Variants in ELF2 observed in about 807,000 individuals in gnomAD.
The protein encoded by ELF2 is ETS-related transcription factor Elf-2.
A neutral mutation model predicts 54.8 loss-of-function variants in ELF2; 11 were observed. The observed-to-expected ratio is 0.20, with a 90% CI of 0.13 to 0.33. The LOEUF (loss-of-function observed/expected upper bound fraction) is 0.33. Among genes scored for constraint, ELF2 ranks in the 10% least tolerant of loss-of-function variants. The pLI is 1.00. For synonymous variants in ELF2, 203 were observed against 245.1 expected, an observed-to-expected ratio of 0.83 and a Z score of 1.61; for missense variants, 513 against 703.0, an observed-to-expected ratio of 0.73 and a Z score of 3.06.
At chr4:139,150,223 C>G (rs1230813193) in intron 1 of ELF2, among the ~76,000 whole-genome samples, 1 of 151,852 alleles carries the variant, frequency 6.6e-6, no homozygotes, top group Non-Finnish European at 1.5e-5. Context: ...AAAAATTAGC[C>G]CAGCATGGTG....
In ELF2 at chr4:139,157,190, T is replaced by C. The variant is rs867970647; in HGVS notation, c.-251-17693A>G. Among the ~76,000 whole-genome samples, 13 of 152,286 alleles carry C rather than the reference T, an allele frequency of 8.5e-5. No individual in the cohort carries two copies. In the South Asian group the frequency reaches 2.3e-3, roughly 27 times the overall value. ...CAGCATGTTACTATACTGAATACTATAGACAACTCTAACACAATGGAAAGT... is the reference window on the plus strand; with the variant it reads ...CAGCATGTTACTATACTGAATACTACAGACAACTCTAACACAATGGAAAGT... On this transcript the variant is annotated intron_variant, in intron 1 of 9. Coordinates refer to ENST00000686138, the MANE Select transcript of ELF2 (RefSeq NM_001331036.3).
At chr4:139,159,530 G>T (rs1381356727) in intron 1 of ELF2, among the ~76,000 whole-genome samples, 2 of 152,220 alleles carry the variant, frequency 1.3e-5, no homozygotes, top group Non-Finnish European at 1.5e-5. Flanking sequence ...AGGGATAGAA[G>T]TTGGAACTCT....
intron 1 of ELF2, among the ~76,000 whole-genome samples, chr4:139,164,056 G>GA: frequency 6.8e-6 from 1 of 148,012 alleles, no homozygotes; most frequent in South Asian, 2.2e-4. Flanking sequence ...GGGTGAGAGA[G>GA]AAAGAGTGGG....
At chr4:139,106,291 T>C (rs1297207766) in intron 4 of ELF2, among the ~76,000 whole-genome samples, 1 of 151,996 alleles carries the variant, frequency 6.6e-6, no homozygotes, top group Non-Finnish European at 1.5e-5. Context: ...GTACTTAAAA[T>C]GTGACATATT....
intron 9 of ELF2, 103 bp from the exon 10 acceptor site, chr4:139,059,710 T>A: frequency 7.2e-7 from 1 of 1,388,014 alleles, no homozygotes; most frequent in Non-Finnish European, 9.7e-7. Context: ...GTAAAATTAG[T>A]GCTCCCAAAT....
intron 1 of ELF2, among the ~76,000 whole-genome samples, chr4:139,151,033 A>AAGAAAGAAAGAAAGAAAGAAAGAAAGG (rs1739859429): frequency 1.1e-3 from 32 of 28,930 alleles, no homozygotes; most frequent in African/African-American, 3.6e-3. Flanking sequence ...CAAAAAAAAA[A>AAGAAAGAAAGAAAGAAAGAAAGAAAGG]AAGAAAGAAA....
chr4:139,107,068 T>C (rs1466399902), intron 4 of ELF2, among the ~76,000 whole-genome samples: 1 of 152,128 alleles, frequency 6.6e-6, no homozygotes. Flanking sequence ...TTTCAATATA[T>C]ATGGTTCCTT....
intron 1 of ELF2, among the ~76,000 whole-genome samples, chr4:139,142,105 A>AT (rs1379098531): frequency 1.2e-4 from 19 of 152,212 alleles, no homozygotes; most frequent in Non-Finnish European, 5.9e-5. Flanking sequence ...AGAGAAAAAA[A>AT]TAAAATAGTA....
chr4:139,072,190 C>T lies in ELF2; in HGVS notation c.353-151G>A, dbSNP rs1729612831. The stretch of plus-strand genomic sequence containing the variant: ...TGAAGAAGTTAATTTGCTGAATATT[C>T]GATATGATTTAAACTACATAAGGAA... On this transcript the variant is annotated intron_variant, in intron 5 of 9. Transcript: ENST00000686138. The T allele has an allele frequency of 8.7e-6, 6 of 690,264 alleles. No homozygotes were observed. In the South Asian group the frequency reaches 1.1e-4, roughly 12 times the overall value. The allele number at this position is 690,264 out of a possible 1,614,324, so 42.8% of individuals were successfully genotyped here. A position where few individuals can be genotyped will look rare whatever the true frequency, so the allele number is the denominator to read the frequency against.
chr4:139,067,466 T>C lies in ELF2; in HGVS notation c.613+218A>G, dbSNP rs1578678770. ...TTCCAAGTCCCTATATCCCCCATGATACAACTATGGTTACAGAATCTCTGT... is the reference window on the plus strand; with the variant it reads ...TTCCAAGTCCCTATATCCCCCATGACACAACTATGGTTACAGAATCTCTGT... On this transcript the variant is annotated intron_variant, in intron 7 of 9. Coordinates refer to ENST00000686138, the MANE Select transcript of ELF2 (RefSeq NM_001331036.3). 2.6e-5 allele frequency: 13 copies of C among 498,374 alleles called. No individual in the cohort carries two copies. In the Admixed American group the frequency reaches 2.8e-4, roughly 11 times the overall value. 30.9% of individuals were successfully genotyped at this position (498,374 alleles called of 1,614,324 possible). A position where few individuals can be genotyped will look rare whatever the true frequency, so the allele number is the denominator to read the frequency against.
At chr4:139,132,679 G>C (rs1737615519) in intron 3 of ELF2, among the ~76,000 whole-genome samples, 1 of 151,704 alleles carries the variant, frequency 6.6e-6, no homozygotes, top group Non-Finnish European at 1.5e-5. Context: ...CCATTTGCCT[G>C]TCTTCATATG....
At chr4:139,113,082 G>T (rs576835772) in intron 4 of ELF2, among the ~76,000 whole-genome samples, 2 of 152,208 alleles carry the variant, frequency 1.3e-5, no homozygotes, top group East Asian at 3.9e-4. Context: ...TTTCATCTAG[G>T]CAAGGTAGCT....
rs1171407837 is a variant in ELF2 at position 139,122,956 on chromosome 4, G to A, written c.238+2208C>T. 2.0e-5 allele frequency among the ~76,000 whole-genome samples: 3 copies of A among 151,740 alleles called. No individual in the cohort carries two copies. The East Asian group carries it at 5.8e-4, about 29-fold the overall frequency. On this transcript the variant is annotated intron_variant, in intron 4 of 9. Transcript: ENST00000686138. The stretch of plus-strand genomic sequence containing the variant: ...TCCCAGCACTTTGGGAGGCCGAGGC[G>A]GGCAGATCACGAAGTCAAGAAATCG...
At chr4:139,126,753 T>G (rs1736958775) in intron 3 of ELF2, among the ~76,000 whole-genome samples, 1 of 152,216 alleles carries the variant, frequency 6.6e-6, no homozygotes, top group South Asian at 2.1e-4. Flanking sequence ...AAAGGTATCT[T>G]CTCAGACATG....
At chr4:139,118,089 C>CA in intron 4 of ELF2, 1 of 154,548 alleles carries the variant, frequency 6.5e-6, no homozygotes, top group South Asian at 2.0e-4. Context: ...ACTCAGAACT[C>CA]AATCTGTTTC....
intron 3 of ELF2, among the ~76,000 whole-genome samples, chr4:139,130,520 T>G (rs1737385266): frequency 6.6e-6 from 1 of 152,232 alleles, no homozygotes. Context: ...CTGAAGGCTT[T>G]TCATCAAGTT....
chr4:139,072,542 T>C (rs992851957), intron 5 of ELF2, among the ~76,000 whole-genome samples: 3 of 152,216 alleles, frequency 2.0e-5, no homozygotes, highest in African/African-American at 7.2e-5. Flanking sequence ...GAAAACTTGC[T>C]CATTACAGAC....
rs1223431794 is a variant in ELF2, at chr4:139,097,606, G to C, written c.239-24039C>G. On this transcript the variant is annotated intron_variant, in intron 4 of 9. Transcript: ENST00000686138. ...CACTCCAGCCTGGGTGACGGAGCAA[G>C]ACTCTGTCTCAAAAAAAAAAAAAAA... is the stretch of plus-strand genomic sequence containing the variant. Among the ~76,000 whole-genome samples the C allele has an allele frequency of 8.0e-5, 11 of 138,076 alleles. No individual in the cohort carries two copies. In the East Asian group the frequency reaches 1.9e-3, roughly 24 times the overall value. 90.6% of individuals were successfully genotyped at this position (138,076 alleles called of 152,430 possible).
chr4:139,163,213 C>T (rs1253062990), intron 1 of ELF2, among the ~76,000 whole-genome samples: 1 of 151,946 alleles, frequency 6.6e-6, no homozygotes. Flanking sequence ...GTATATAATT[C>T]TGTATATGAA....
Sources: allele counts gnomAD v4.1 joint callset (sites outside exome capture counted in the v4.1 genomes callset), GRCh38; gene constraint gnomAD v4.1.1; transcripts MANE v1.5; gene names NCBI Gene and HGNC (gene_info 2026-07-23, HGNC 2026-07-21).